Variants in KDM2A observed in about 807,000 individuals in gnomAD.
The protein encoded by KDM2A is lysine-specific demethylase 2A.
A neutral mutation model predicts 137.3 loss-of-function variants in KDM2A; 3 were observed. That is an observed-to-expected ratio of 0.02 (90% CI 0.01 to 0.06). KDM2A has a LOEUF of 0.06. Among genes scored for constraint, KDM2A ranks in the 10% least tolerant of loss-of-function variants. KDM2A has a pLI of 1.00. For missense variants in KDM2A, 738 were observed against 1,510.6 expected, an observed-to-expected ratio of 0.49 and a Z score of 8.48; for synonymous variants, 512 against 541.5, an observed-to-expected ratio of 0.95 and a Z score of 0.76.
intron 10 of KDM2A, among the ~76,000 whole-genome samples, chr11:67,222,059 C>CTTTTTTTTTTTTTTTTTTTT (rs11373238): frequency 1.3e-4 from 14 of 110,478 alleles, no homozygotes; most frequent in South Asian, 3.1e-4. Flanking sequence ...CTCTGTCATT[C>CTTTTTTTTTTTTTTTTTTTT]TTTTTTTTTT....
intron 2 of KDM2A, among the ~76,000 whole-genome samples, chr11:67,151,436 A>G (rs1433621201): frequency 6.6e-6 from 1 of 151,912 alleles, no homozygotes; most frequent in Non-Finnish European, 1.5e-5. Context: ...GCTGGAGTGC[A>G]ATGGTGCCAT....
rs1857180127 is a variant in KDM2A at position 67,185,404 on chromosome 11, G to A, written c.307+3512G>A. 3.3e-5 allele frequency among the ~76,000 whole-genome samples: 5 copies of A among 152,072 alleles called. No individual in the cohort carries two copies. The South Asian group carries it at 1.0e-3, about 32-fold the overall frequency. ...CCCAGCACTTTGGGAGGCCAAGGCG[G>A]GTGGATCACTTGAGGTCAGGAGTTT... On this transcript the variant is annotated intron_variant, in intron 5 of 20. Transcript: ENST00000529006.
intron 6 of KDM2A, 53 bp from the exon 7 acceptor site, chr11:67,215,287 T>C: frequency 8.5e-7 from 1 of 1,183,132 alleles, no homozygotes; most frequent in South Asian, 1.4e-5. Flanking sequence ...TAAAATTATC[T>C]TTGACCCCAA....
chr11:67,143,347 C>CAGGA (rs1236751073), intron 2 of KDM2A: 2 of 151,986 alleles, frequency 1.3e-5, no homozygotes, highest in Non-Finnish European at 2.9e-5. Context: ...GTCTTTGCTA[C>CAGGA]AGGACTTCAG....
At chr11:67,153,829 A>C (rs1856453608) in intron 2 of KDM2A, among the ~76,000 whole-genome samples, 1 of 151,920 alleles carries the variant, frequency 6.6e-6, no homozygotes, top group African/African-American at 2.4e-5. Flanking sequence ...AAAAAAAAAA[A>C]ACACCAAAAA....
chr11:67,119,359 G>A lies in KDM2A; in HGVS notation c.-774G>A. On this transcript the variant is annotated 5_prime_UTR_variant, in exon 1 of 21. Transcript: ENST00000529006. The stretch of plus-strand genomic sequence containing the variant: ...CCCCTCCCCGGCAGCGGCGGCGGCG[G>A]CGGCGGCTCTCGGAGCACCTTCCCA... The A allele has an allele frequency of 6.0e-6, 1 of 166,444 alleles. No individual in the cohort carries two copies. The highest frequency in any genetic ancestry group is 1.3e-5 in the Non-Finnish European group (1 of 79,008). 10.3% of individuals were successfully genotyped at this position (166,444 alleles called of 1,614,324 possible). A position where few individuals can be genotyped will look rare whatever the true frequency, so the allele number is the denominator to read the frequency against.
intron 10 of KDM2A, among the ~76,000 whole-genome samples, chr11:67,226,547 C>T (rs1381094537): frequency 6.6e-6 from 1 of 151,968 alleles, no homozygotes; most frequent in Non-Finnish European, 1.5e-5. Flanking sequence ...ATGGTGAAAC[C>T]CCGTCTCTAC....
intron 10 of KDM2A, among the ~76,000 whole-genome samples, chr11:67,227,645 C>G (rs1359554946): frequency 6.6e-6 from 1 of 152,144 alleles, no homozygotes; most frequent in Admixed American, 6.5e-5. Context: ...TCTCAGTTCA[C>G]TGCAACCTCC....
At position 67,228,066 on chromosome 11, in the gene KDM2A, C is replaced by T. The variant is rs779252422; in HGVS notation, c.987C>T (p.Tyr329=). ...CAAATAAGTTTCGCTATCCATTCTA[C>T]TATGAGATGTGTTGGTATGTGTTGG... ...RVPNKFRYPF[Y]YEMCWYVLER... is the part of the protein sequence containing the mutation. Residue 329 remains tyrosine (Y), a synonymous_variant, in exon 11 of 21, where the codon TAC becomes TAT. Coordinates refer to ENST00000529006, the MANE Select transcript of KDM2A (RefSeq NM_012308.3). The T allele has an allele frequency of 6.2e-7, 1 of 1,613,104 alleles. No individual in the cohort carries two copies. Among genetic ancestry groups the T allele is most frequent in the Non-Finnish European group, 8.5e-7 (1 of 1,179,100 alleles).
chr11:67,172,860 C>G (rs143741017), intron 2 of KDM2A, among the ~76,000 whole-genome samples: 180 of 152,036 alleles, frequency 1.2e-3, no homozygotes, highest in African/African-American at 4.1e-3. Flanking sequence ...AGGGGGAGAG[C>G]TTTCAGTCTT....
In KDM2A at chr11:67,246,017, C is replaced by G; in HGVS notation, c.1866C>G (p.Leu622=). Residue 622 remains leucine (L), a synonymous_variant, in exon 15 of 21, where the codon CTC becomes CTG. Transcript: ENST00000529006. ...PRLPHSVTCS[L]CGEVDQNEET... ...TGCCTCACTCAGTCACATGTTCCCT[C>G]TGTGGAGAGGTGGATCAGAATGAAG... 7.4e-6 allele frequency: 12 copies of G among 1,614,024 alleles called. No individual in the cohort carries two copies. Among genetic ancestry groups the G allele is most frequent in the Non-Finnish European group, 9.3e-6 (11 of 1,179,878 alleles).
chr11:67,237,425 TG>T (rs1485220239), intron 12 of KDM2A, among the ~76,000 whole-genome samples: 3 of 151,558 alleles, frequency 2.0e-5, no homozygotes, highest in African/African-American at 7.3e-5. Context: ...GATTTTTAAA[TG>T]TTTTTAAATT....
intron 5 of KDM2A, among the ~76,000 whole-genome samples, chr11:67,194,871 A>G (rs1419450782): frequency 6.6e-6 from 1 of 152,180 alleles, no homozygotes; most frequent in Non-Finnish European, 1.5e-5. Context: ...GAAGGAGCAG[A>G]AATACTTGGA....
chr11:67,180,328 CT>C, intron 3 of KDM2A, 111 bp downstream of exon 3: 1 of 1,142,126 alleles, frequency 8.8e-7, no homozygotes, highest in Non-Finnish European at 1.2e-6. Flanking sequence ...TTGATGTTAT[CT>C]ATCTATTTTC....
intron 12 of KDM2A, 38 bp from the exon 13 acceptor site, chr11:67,242,971 C>A: frequency 1.3e-6 from 2 of 1,556,496 alleles, no homozygotes; most frequent in South Asian, 1.1e-5. Context: ...TTTGTTCACC[C>A]TGCCCTGATT....
Position 67,245,659 on chromosome 11 carries a change from T to G in KDM2A, c.1833+201T>G, listed in dbSNP as rs985694993. The G allele has an allele frequency of 4.7e-6, 3 of 634,686 alleles. No individual in the cohort carries two copies. Among genetic ancestry groups the G allele is most frequent in the Non-Finnish European group, 8.0e-6 (3 of 373,638 alleles). 39.3% of individuals were successfully genotyped at this position (634,686 alleles called of 1,614,324 possible). ...TAAAAATCCGATTTAATCTTTAGGC[T>G]TTACCTAATTTTCAAACAAGAGATT... On this transcript the variant is annotated intron_variant, in intron 14 of 20. Coordinates refer to ENST00000529006, the MANE Select transcript of KDM2A (RefSeq NM_012308.3). The surrounding 1 kb of genome is among the most constrained non-coding windows in gnomAD (Gnocchi z 4.1).
chr11:67,201,393 TG>T (rs1016696827), intron 5 of KDM2A, among the ~76,000 whole-genome samples: 3 of 151,908 alleles, frequency 2.0e-5, no homozygotes, highest in African/African-American at 7.3e-5. Flanking sequence ...GTAATCCCAA[TG>T]TTTTGATAGG....
At chr11:67,158,003 G>T (rs141346637) in intron 2 of KDM2A, among the ~76,000 whole-genome samples, 1 of 152,222 alleles carries the variant, frequency 6.6e-6, no homozygotes, top group East Asian at 1.9e-4. Context: ...TTCCCTGTTT[G>T]TGTTGTACAG....
At chr11:67,240,483 C>T in intron 12 of KDM2A, 4 of 834,188 alleles carry the variant, frequency 4.8e-6, no homozygotes, top group Non-Finnish European at 7.3e-6. Context: ...CAGGACAATG[C>T]TATGTTACTT....
Sources: gnomAD v4.1 joint callset for allele counts (sites outside exome capture counted in the v4.1 genomes callset) on GRCh38, gnomAD v4.1.1 for gene constraint, Gnocchi (gnomAD v3.1) non-coding constraint, MANE v1.5 for transcripts, NCBI Gene and HGNC (gene_info 2026-07-23, HGNC 2026-07-21) for gene names.